NBEA: variants seen among roughly 807,000 people sequenced by gnomAD.
NBEA encodes lysosomal-trafficking regulator 2.
NBEA carries 44 observed loss-of-function variants against 343.4 expected under a neutral mutation model. The ratio of observed to expected loss-of-function variants is 0.13; its 90% CI spans 0.10 to 0.16. The LOEUF (loss-of-function observed/expected upper bound fraction) is 0.16, where lower values mean the gene tolerates loss of function less well. Among genes scored for constraint, NBEA ranks in the 10% least tolerant of loss-of-function variants. The pLI, the probability that NBEA is intolerant of heterozygous loss-of-function variation, is 1.00. For synonymous variants in NBEA, 1,175 were observed against 1,238.7 expected, an observed-to-expected ratio of 0.95 and a Z score of 1.08; for missense variants, 2,555 against 3,631.3, an observed-to-expected ratio of 0.70 and a Z score of 7.62.
intron 41 of NBEA, among the ~76,000 whole-genome samples, chr13:35,508,340 C>G (rs1457810476): frequency 6.6e-6 from 1 of 152,036 alleles, no homozygotes; most frequent in Non-Finnish European, 1.5e-5. Context: ...ATATTATAAG[C>G]CATATTTGAG....
At chr13:35,556,622 C>G (rs1036979641) in intron 44 of NBEA, among the ~76,000 whole-genome samples, 1 of 151,888 alleles carries the variant, frequency 6.6e-6, no homozygotes, top group African/African-American at 2.4e-5. Context: ...ATTAATTCCC[C>G]TAGAGATATT....
At chr13:35,036,749 A>G (rs1205095581) in intron 1 of NBEA, among the ~76,000 whole-genome samples, 2 of 152,152 alleles carry the variant, frequency 1.3e-5, no homozygotes, top group Non-Finnish European at 2.9e-5. Context: ...TATGGTTTTC[A>G]CTGAAAAGTC....
At chr13:35,289,953 C>T (rs1157609422) in intron 34 of NBEA, among the ~76,000 whole-genome samples, 1 of 151,618 alleles carries the variant, frequency 6.6e-6, no homozygotes, top group Non-Finnish European at 1.5e-5. Flanking sequence ...TCTTTTGGAA[C>T]AAAATTTAGG....
intron 1 of NBEA, among the ~76,000 whole-genome samples, chr13:34,979,809 A>T (rs867375779): frequency 6.6e-6 from 1 of 152,086 alleles, no homozygotes; most frequent in African/African-American, 2.4e-5. Flanking sequence ...GATCATACAG[A>T]TATTCTTCTG....
Position 35,322,330 on chromosome 13 carries a change from G to T in NBEA, c.5903+12738G>T, listed in dbSNP as rs1033582146. On this transcript the variant is annotated intron_variant, in intron 36 of 58. Transcript: ENST00000379939. ...CGTTCCCCATGGCACAGTCCCTCAC[G>T]GCTTCCCTTGGCTAGGGTAGGGAGT... 3.3e-5 allele frequency among the ~76,000 whole-genome samples: 5 copies of T among 152,250 alleles called. No homozygotes were observed. The East Asian group carries it at 9.7e-4, about 30-fold the overall frequency.
At chr13:35,494,101 T>C (rs1230834919) in intron 41 of NBEA, among the ~76,000 whole-genome samples, 4 of 151,902 alleles carry the variant, frequency 2.6e-5, no homozygotes, top group African/African-American at 9.7e-5. Context: ...AATATGAATA[T>C]AAGGAATACA....
At chr13:35,290,136 A>C (rs887526322) in intron 34 of NBEA, among the ~76,000 whole-genome samples, 2 of 151,754 alleles carry the variant, frequency 1.3e-5, no homozygotes, top group African/African-American at 4.8e-5. Flanking sequence ...TCAGTTTTCG[A>C]GTATTTTCAC....
intron 34 of NBEA, among the ~76,000 whole-genome samples, chr13:35,288,909 A>C (rs144021046): frequency 1.3e-5 from 2 of 151,896 alleles, no homozygotes; most frequent in African/African-American, 2.4e-5. Context: ...GAGCATGAGA[A>C]TTGCTGATCA....
At position 35,349,111 on chromosome 13, in the gene NBEA, A is replaced by G; in HGVS notation, c.5907A>G (p.Leu1969=). ...AFIELINEGR[L]LCHAMKDHIV... ...CTAAAGGTATTTTTCTTTTTAGATT[A>G]CTGTGCCATGCTATGAAGGACCATA... The change falls in exon 37 of 59, where the codon TTA becomes TTG. Residue 1969 remains leucine, a synonymous_variant. Transcript: ENST00000379939. 6.5e-7 allele frequency: 1 copy of G among 1,543,534 alleles called. No homozygotes were observed. The highest frequency in any genetic ancestry group is 1.3e-5 in the South Asian group (1 of 78,218).
intron 38 of NBEA, among the ~76,000 whole-genome samples, chr13:35,429,667 G>A (rs908358193): frequency 3.7e-4 from 57 of 152,172 alleles, no homozygotes; most frequent in African/African-American, 1.3e-3. Context: ...GCAGTATTTG[G>A]TTATGTGAAT....
At chr13:35,463,617 C>A (rs530286068) in intron 40 of NBEA, among the ~76,000 whole-genome samples, 2 of 150,906 alleles carry the variant, frequency 1.3e-5, no homozygotes, top group African/African-American at 4.9e-5. Flanking sequence ...GAGACTCCGT[C>A]GCAAAAAAAA....
intron 47 of NBEA, among the ~76,000 whole-genome samples, chr13:35,594,687 G>C (rs947391123): frequency 3.9e-5 from 6 of 151,984 alleles, no homozygotes; most frequent in Admixed American, 6.6e-5. Context: ...CAAGGAGGGA[G>C]TCTGTTTCTT....
intron 48 of NBEA, among the ~76,000 whole-genome samples, chr13:35,627,137 T>C (rs1007911095): frequency 1.3e-5 from 2 of 152,190 alleles, no homozygotes; most frequent in Non-Finnish European, 2.9e-5. Flanking sequence ...TTCAACACCA[T>C]GGAAATCACA....
At chr13:35,620,173 AG>A (rs1426363414) in intron 48 of NBEA, among the ~76,000 whole-genome samples, 1 of 152,086 alleles carries the variant, frequency 6.6e-6, no homozygotes, top group African/African-American at 2.4e-5. Context: ...GCCGTCCTGG[AG>A]CTCACTTTTG....
intron 48 of NBEA, among the ~76,000 whole-genome samples, chr13:35,621,735 G>A (rs1295020888): frequency 6.6e-6 from 1 of 151,364 alleles, no homozygotes; most frequent in East Asian, 1.9e-4. Context: ...CCTTCCTCTT[G>A]TGATCATCAC....
chr13:35,143,974 C>T (rs559770309), intron 18 of NBEA, among the ~76,000 whole-genome samples: 7 of 151,736 alleles, frequency 4.6e-5, no homozygotes, highest in Non-Finnish European at 7.4e-5. Context: ...TGGAACAGAT[C>T]AAGTCAATTG....
intron 48 of NBEA, among the ~76,000 whole-genome samples, chr13:35,608,384 T>C (rs2082370208): frequency 6.6e-6 from 1 of 152,182 alleles, no homozygotes; most frequent in Admixed American, 6.6e-5. Flanking sequence ...TTCTGAAAAT[T>C]TCTGATTCTT....
chr13:35,017,805 T>A (rs1172029369), intron 1 of NBEA, among the ~76,000 whole-genome samples: 1 of 152,170 alleles, frequency 6.6e-6, no homozygotes, highest in African/African-American at 2.4e-5. Context: ...AATTTATTGA[T>A]GTTTTTTCTT....
intron 1 of NBEA, among the ~76,000 whole-genome samples, chr13:34,974,841 A>C (rs2060112914): frequency 6.6e-6 from 1 of 152,202 alleles, no homozygotes; most frequent in Non-Finnish European, 1.5e-5. Flanking sequence ...TTAGCAGCAC[A>C]TGAAATAGCT....
Sources: gnomAD v4.1 joint callset for allele counts (sites outside exome capture counted in the v4.1 genomes callset) on GRCh38, gnomAD v4.1.1 for gene constraint, MANE v1.5 for transcripts, NCBI Gene and HGNC (gene_info 2026-07-23, HGNC 2026-07-21) for gene names.